PCDHGA7: variants seen among roughly 807,000 people sequenced by gnomAD.
The protein encoded by PCDHGA7 is protocadherin gamma subfamily A, 7.
A neutral mutation model predicts 58.3 loss-of-function variants in PCDHGA7; 44 were observed. The ratio of observed to expected loss-of-function variants is 0.75; its 90% confidence interval spans 0.59 to 0.97. The LOEUF (loss-of-function observed/expected upper bound fraction) is 0.97, where lower values mean the gene tolerates loss of function less well. PCDHGA7 is among the 50% of genes least tolerant of loss of function. The pLI is 0.00. For synonymous variants in PCDHGA7, 516 were observed against 504.2 expected, an observed-to-expected ratio of 1.02 and a Z score of -0.31; for missense variants, 1,266 against 1,188.7, an observed-to-expected ratio of 1.06 and a Z score of -0.96.
intron 1 of PCDHGA7, chr5:141,413,189 G>T: frequency 1.2e-6 from 2 of 1,606,972 alleles, no homozygotes; most frequent in Middle Eastern, 1.7e-4. Flanking sequence ...GCCGCTCAAA[G>T]GAATCGCTCA....
chr5:141,438,627 T>C (rs55817844), intron 1 of PCDHGA7, among the ~76,000 whole-genome samples: 510 of 47,978 alleles, frequency 0.011, 3 homozygotes, highest in Admixed American at 0.017. Context: ...TATATATATA[T>C]ATATATATAC....
chr5:141,498,807 C>T (rs113587634), intron 2 of PCDHGA7, among the ~76,000 whole-genome samples: 5,552 of 152,138 alleles, frequency 0.036, 136 homozygotes, highest in South Asian at 0.073. Context: ...GTGGTGCACA[C>T]CTGTAGTCCC....
At chr5:141,417,887 C>T in intron 1 of PCDHGA7, 2 of 1,564,888 alleles carry the variant, frequency 1.3e-6, no homozygotes, top group Non-Finnish European at 1.7e-6. Flanking sequence ...GCAGAGGCGC[C>T]GGGCCGGCCC....
intron 1 of PCDHGA7, chr5:141,399,930 C>G (rs1168427748): frequency 6.2e-7 from 1 of 1,612,208 alleles, no homozygotes. Context: ...CCTGGCTGTC[C>G]TACCACGTGC....
At chr5:141,399,808 C>A in intron 1 of PCDHGA7, 1 of 1,613,208 alleles carries the variant, frequency 6.2e-7, no homozygotes, top group Non-Finnish European at 8.5e-7. Flanking sequence ...GGTGCTGTAC[C>A]CCGCGCTGGG....
rs888556794 is a variant in PCDHGA7 at position 141,493,414 on chromosome 5, A to T, written c.2425-1393A>T. Among the ~76,000 whole-genome samples, 2 of 152,058 alleles carry T rather than the reference A, an allele frequency of 1.3e-5. No individual in the cohort carries two copies. Among genetic ancestry groups the T allele is most frequent in the Admixed American group, 6.6e-5 (1 of 15,248 alleles). ...GGAGAGGGGAGTTGCCTCTGCTGGG[A>T]TTTTGCTTCTGCTGGGATGGGGCAA... On this transcript the variant is annotated intron_variant, in intron 1 of 3. Coordinates refer to ENST00000518325, the MANE Select transcript of PCDHGA7 (RefSeq NM_018920.4). The surrounding 1 kb of genome is among the most constrained non-coding windows in gnomAD (Gnocchi z 4.3).
In PCDHGA7 at chr5:141,485,179, C is replaced by G. The variant is rs1405000217; in HGVS notation, c.2425-9628C>G. The G allele has an allele frequency of 1.2e-6, 2 of 1,612,648 alleles. No homozygotes were observed. Among genetic ancestry groups the G allele is most frequent in the African/African-American group, 2.7e-5 (2 of 74,924 alleles). ...AGAATTAGCGGGCGGCAGCAATGCT[C>G]CGCAAGGTGAGAAGCTGGACAGAAA... is the stretch of plus-strand genomic sequence containing the variant. On this transcript the variant is annotated intron_variant, in intron 1 of 3. Transcript: ENST00000518325. This position sits in a 1 kb window ranked among gnomAD's most constrained non-coding sequence, Gnocchi z 5.7.
At position 141,432,207 on chromosome 5, in the gene PCDHGA7, A is replaced by G. The variant is rs1181424938; in HGVS notation, c.2424+46884A>G. 3 of 1,614,176 alleles carry G rather than the reference A, an allele frequency of 1.9e-6. No homozygotes were observed. The highest frequency in any genetic ancestry group is 2.5e-6 in the Non-Finnish European group (3 of 1,180,026). ...ACCGCCCACGACCCCGACTGTGAAG[A>G]GAACGCCCAGATCACTTATTCCCTG... On this transcript the variant is annotated intron_variant, in intron 1 of 3. Transcript: ENST00000518325. The surrounding 1 kb of genome is among the most constrained non-coding windows in gnomAD (Gnocchi z 6.0).
In PCDHGA7 at chr5:141,466,692, A is replaced by G. The variant is rs185786515; in HGVS notation, c.2425-28115A>G. Among the ~76,000 whole-genome samples the G allele has an allele frequency of 3.0e-4, 46 of 152,280 alleles. 1 individual carries two copies. The highest frequency in any genetic ancestry group is 1.0e-3 in the African/African-American group (43 of 41,558). On this transcript the variant is annotated intron_variant, in intron 1 of 3. Coordinates refer to ENST00000518325, the MANE Select transcript of PCDHGA7 (RefSeq NM_018920.4). ...ACCGTTCTTCCACTCAAGCTTCATCATAAATTTGATGTCTGTTCTTGTTTC... is the reference window on the plus strand; with the variant it reads ...ACCGTTCTTCCACTCAAGCTTCATCGTAAATTTGATGTCTGTTCTTGTTTC...
In PCDHGA7 at chr5:141,394,244, C is replaced by T. The variant is rs371631729; in HGVS notation, c.2424+8921C>T. On this transcript the variant is annotated intron_variant, in intron 1 of 3. Coordinates refer to ENST00000518325, the MANE Select transcript of PCDHGA7 (RefSeq NM_018920.4). ...CCTCCATCTTTTCCTTGACTGCACA[C>T]GACCCCGACAGCCAGGAGAATGCCC... The T allele has an allele frequency of 1.5e-5, 25 of 1,613,938 alleles. No homozygotes were observed. In the African/African-American group the frequency reaches 2.3e-4, roughly 15 times the overall value.
rs2233605 is a variant in PCDHGA7 at position 141,490,412 on chromosome 5, C to A, written c.2425-4395C>A. ...GGTGAAGTGAGCCTTGATATCTCTC[C>A]GGACCTGCCATTTCAGATTAAGCCT... On this transcript the variant is annotated intron_variant, in intron 1 of 3. Transcript: ENST00000518325. This position sits in a 1 kb window ranked among gnomAD's most constrained non-coding sequence, Gnocchi z 5.4. 1.3e-4 allele frequency: 203 copies of A among 1,614,064 alleles called. 1 individual carries two copies. The highest frequency in any genetic ancestry group is 3.5e-4 in the South Asian group (32 of 91,086).
chr5:141,435,108 G>A lies in PCDHGA7; in HGVS notation c.2424+49785G>A, dbSNP rs1027955145. ...AACTGATCTGTTTATCTAGGGGGGA[G>A]AAATCTAATTCAATGGAAAATATAA... On this transcript the variant is annotated intron_variant, in intron 1 of 3. Transcript: ENST00000518325. Among the ~76,000 whole-genome samples, 3 of 152,144 alleles carry A rather than the reference G, an allele frequency of 2.0e-5. No homozygotes were observed. In the South Asian group the frequency reaches 6.2e-4, roughly 32 times the overall value.
rs544565104 is a variant in PCDHGA7, at chr5:141,489,014, G to A, written c.2425-5793G>A. 2.5e-5 allele frequency: 11 copies of A among 433,976 alleles called. No individual in the cohort carries two copies. The highest frequency in any genetic ancestry group is 1.6e-4 in the Admixed American group (4 of 25,754). The allele number at this position is 433,976 out of a possible 1,614,324, so 26.9% of individuals were successfully genotyped here. On this transcript the variant is annotated intron_variant, in intron 1 of 3. Coordinates refer to ENST00000518325, the MANE Select transcript of PCDHGA7 (RefSeq NM_018920.4). This position sits in a 1 kb window ranked among gnomAD's most constrained non-coding sequence, Gnocchi z 4.5. ...GGTGGGAGATCTGCTCTTCCAGCCC[G>A]CCTCTCCTCCTCCAGCTCCCCAGCT... is the stretch of plus-strand genomic sequence containing the variant.
intron 1 of PCDHGA7, among the ~76,000 whole-genome samples, chr5:141,449,298 T>C (rs1197693931): frequency 6.6e-6 from 1 of 152,058 alleles, no homozygotes; most frequent in Non-Finnish European, 1.5e-5. Flanking sequence ...CCGGGTGAAT[T>C]ATATGTATTA....
chr5:141,405,459 A>T, intron 1 of PCDHGA7: 2 of 1,229,452 alleles, frequency 1.6e-6, no homozygotes, highest in Non-Finnish European at 2.3e-6. Flanking sequence ...TTACTCTGTT[A>T]CCCAGGCTGG....
chr5:141,496,523 G>T (rs1159517569), intron 2 of PCDHGA7, among the ~76,000 whole-genome samples: 1 of 152,128 alleles, frequency 6.6e-6, no homozygotes, highest in Non-Finnish European at 1.5e-5. Context: ...GGAGCCCTTG[G>T]TGTATGGCAG....
intron 1 of PCDHGA7, chr5:141,400,330 G>A (rs2094004189): frequency 6.2e-7 from 1 of 1,614,082 alleles, no homozygotes; most frequent in Admixed American, 1.7e-5. Flanking sequence ...TGGACCTGTG[G>A]TTCCCCCCAA....
chr5:141,450,207 A>AAGG (rs1164364390), intron 1 of PCDHGA7, among the ~76,000 whole-genome samples: 13 of 151,832 alleles, frequency 8.6e-5, no homozygotes, highest in Non-Finnish European at 1.8e-4. Flanking sequence ...TAGTAGAGAC[A>AAGG]AGGTTTCACT....
At chr5:141,404,707 C>G in intron 1 of PCDHGA7, 1 of 1,614,122 alleles carries the variant, frequency 6.2e-7, no homozygotes, top group Non-Finnish European at 8.5e-7. Context: ...CAGAGCCTGG[C>G]TACCTGGTGA....
Sources: gnomAD v4.1 joint callset for allele counts (sites outside exome capture counted in the v4.1 genomes callset) on GRCh38, gnomAD v4.1.1 for gene constraint, Gnocchi (gnomAD v3.1) non-coding constraint, MANE v1.5 for transcripts, NCBI Gene and HGNC (gene_info 2026-07-23, HGNC 2026-07-21) for gene names.